TRMT11: variants seen among roughly 807,000 people sequenced by gnomAD.
The protein encoded by TRMT11 is tRNA (guanine(10)-N(2))-methyltransferase TRMT11.
Under a neutral mutation model 62.8 loss-of-function variants are expected in TRMT11, and 53 were observed. The ratio of observed to expected loss-of-function variants is 0.84; its 90% confidence interval spans 0.68 to 1.06. The LOEUF (loss-of-function observed/expected upper bound fraction) is 1.06, where lower values mean the gene tolerates loss of function less well. Among genes scored for constraint, TRMT11 ranks in the 50% least tolerant of loss-of-function variants. The pLI is 0.00. For synonymous variants in TRMT11, 188 were observed against 190.3 expected, an observed-to-expected ratio of 0.99 and a Z score of 0.10; for missense variants, 556 against 553.4, an observed-to-expected ratio of 1.00 and a Z score of -0.05.
intron 21 of TRMT11, among the ~76,000 whole-genome samples, chr6:126,161,092 T>C (rs1778185110): frequency 1.3e-5 from 2 of 152,220 alleles, no homozygotes; most frequent in South Asian, 4.1e-4. Context: ...TTTAAATATT[T>C]TATTATACTT....
At chr6:126,212,867 C>G in the TRMT11 span, among the ~76,000 whole-genome samples, 132 of 151,812 alleles carry the variant, frequency 8.7e-4, no homozygotes, top group East Asian at 0.024. Flanking sequence ...TGTCCTGGAG[C>G]CTTTTCCCAT....
At chr6:126,031,131 T>C (rs985947201) in intron 12 of TRMT11, among the ~76,000 whole-genome samples, 4 of 152,118 alleles carry the variant, frequency 2.6e-5, no homozygotes, top group Admixed American at 2.6e-4. Flanking sequence ...AGGATGCAAG[T>C]TTTTTTGTTT....
chr6:126,035,648 C>T (rs866729080), intron 12 of TRMT11, among the ~76,000 whole-genome samples: 3 of 152,002 alleles, frequency 2.0e-5, no homozygotes, highest in Admixed American at 6.6e-5. Context: ...AACACATGGT[C>T]GGTTAAGGGC....
intron 21 of TRMT11, among the ~76,000 whole-genome samples, chr6:126,138,823 C>T (rs1214522189): frequency 6.6e-6 from 1 of 151,738 alleles, no homozygotes; most frequent in Non-Finnish European, 1.5e-5. Context: ...TTTCATTGAC[C>T]CAAATTAATG....
At chr6:126,071,863 C>T (rs1272371949) in intron 17 of TRMT11, among the ~76,000 whole-genome samples, 2 of 152,056 alleles carry the variant, frequency 1.3e-5, no homozygotes, top group Non-Finnish European at 2.9e-5. Flanking sequence ...AGAATCATCT[C>T]GAGAGTTCTT....
rs573272102 is a variant in TRMT11, at chr6:126,032,172, ATCT to A, written c.1261-6529_1261-6527del. Among the ~76,000 whole-genome samples, 293 of 152,218 alleles carry A rather than the reference ATCT, an allele frequency of 1.9e-3. 2 individuals carry two copies. Among genetic ancestry groups the A allele is most frequent in the African/African-American group, 6.5e-3 (268 of 41,550 alleles). On this transcript the variant is annotated intron_variant, in intron 12 of 12. Coordinates refer to ENST00000334379, the MANE Select transcript of TRMT11 (RefSeq NM_001031712.3). ...ACTGCTTTCTTAGGCTGCTGTAATA[ATCT>A]TCTACTGATTTCTCTGCTTCTGCAG...
chr6:126,205,480 G>T (rs867265554), downstream of TRMT11, among the ~76,000 whole-genome samples: 2 of 151,912 alleles, frequency 1.3e-5, no homozygotes, highest in African/African-American at 4.8e-5. Context: ...TTCTAGCCTG[G>T]GTGACAGAGT....
At chr6:125,997,287 A>G (rs1031112166) in intron 3 of TRMT11, among the ~76,000 whole-genome samples, 1 of 152,264 alleles carries the variant, frequency 6.6e-6, no homozygotes, top group African/African-American at 2.4e-5. Context: ...ATTTAACTGT[A>G]TCAGAATGAA....
chr6:126,195,289 A>T (rs1046848468), intron 1 of TRMT11, among the ~76,000 whole-genome samples: 1 of 152,244 alleles, frequency 6.6e-6, no homozygotes, highest in Non-Finnish European at 1.5e-5. Flanking sequence ...TTAAATCATG[A>T]TGAAAATAAG....
Position 126,115,821 on chromosome 6 carries a change from C to A in TRMT11, c.*1789C>A, listed in dbSNP as rs1477573154. Among the ~76,000 whole-genome samples, 4 of 152,046 alleles carry A rather than the reference C, an allele frequency of 2.6e-5. No homozygotes were observed. The East Asian group carries it at 7.8e-4, about 30-fold the overall frequency. ...TGCTTCTTCCTGTTCCCATTAGTGT[C>A]ACCTCAGCAGTGACTTTTCACCCTG... On this transcript the variant is annotated 3_prime_UTR_variant and NMD_transcript_variant, in exon 21 of 23. Coordinates refer to the TRMT11 transcript ENST00000648977.
At chr6:126,151,931 C>CTTTCTTTCTTTCTTTCTTTCTTTCT (rs1562334964) in intron 21 of TRMT11, among the ~76,000 whole-genome samples, 4 of 93,418 alleles carry the variant, frequency 4.3e-5, no homozygotes, top group Admixed American at 1.1e-4. Flanking sequence ...TTCTTTCTTT[C>CTTTCTTTCTTTCTTTCTTTCTTTCT]TTTCTTTCTT....
the TRMT11 span, among the ~76,000 whole-genome samples, chr6:126,219,237 G>T: frequency 2.0e-5 from 3 of 151,900 alleles, no homozygotes; most frequent in Non-Finnish European, 4.4e-5. Context: ...GTTAAGTTTG[G>T]TGTTCCTGCC....
At position 125,999,582 on chromosome 6, in the gene TRMT11, T is replaced by G. The variant is rs1562244470; in HGVS notation, c.648T>G (p.Asn216Lys). The part of the protein sequence containing the change: ...IMANHGKVKE[N>K]DIVFDPFVGT... ...CTAACCATGGAAAAGTGAAAGAAAATGATATTGTCTTTGATCCATTTGTTG... is the reference window on the plus strand; with the variant it reads ...CTAACCATGGAAAAGTGAAAGAAAAGGATATTGTCTTTGATCCATTTGTTG... Residue 216 changes from asparagine (N) to lysine (K), a missense_variant, in exon 7 of 13, where the codon AAT becomes AAG. By Grantham distance (94) the Asn-to-Lys change is moderately conservative. Transcript: ENST00000334379. The G allele has an allele frequency of 6.2e-7, 1 of 1,611,744 alleles. No homozygotes were observed. The highest frequency in any genetic ancestry group is 1.7e-5 in the Admixed American group (1 of 59,832).
At chr6:126,007,616 C>T (rs1386948053) in intron 7 of TRMT11, among the ~76,000 whole-genome samples, 2 of 151,808 alleles carry the variant, frequency 1.3e-5, no homozygotes. Flanking sequence ...AATAGTATTA[C>T]CTTTCATTTT....
At chr6:126,181,101 G>A (rs1235317960) in intron 1 of TRMT11, among the ~76,000 whole-genome samples, 1 of 151,986 alleles carries the variant, frequency 6.6e-6, no homozygotes, top group Non-Finnish European at 1.5e-5. Context: ...ATTACTTCTG[G>A]CTAAAAACAT....
At chr6:126,266,687 C>T in the TRMT11 span, among the ~76,000 whole-genome samples, 1 of 152,186 alleles carries the variant, frequency 6.6e-6, no homozygotes, top group Non-Finnish European at 1.5e-5. Context: ...TTATTCTAAA[C>T]TGCAAGTCAA....
the TRMT11 span, among the ~76,000 whole-genome samples, chr6:126,214,703 A>G: frequency 7.7e-4 from 116 of 150,784 alleles, no homozygotes; most frequent in East Asian, 0.019. Context: ...TTGATCTTTC[A>G]TATTGTTTTC....
chr6:126,000,539 G>C (rs916228945), intron 7 of TRMT11, among the ~76,000 whole-genome samples: 13 of 152,156 alleles, frequency 8.5e-5, no homozygotes, highest in African/African-American at 3.1e-4. Context: ...ACTTGGCCAA[G>C]GTTATACAGT....
At position 126,021,203 on chromosome 6, in the gene TRMT11, G is replaced by C. The variant is rs376114052; in HGVS notation, c.1183G>C (p.Val395Leu). 1.6e-5 allele frequency: 26 copies of C among 1,614,032 alleles called. No individual in the cohort carries two copies. The highest frequency in any genetic ancestry group is 3.4e-6 in the Non-Finnish European group (4 of 1,180,014). Residue 395 changes from valine to leucine, a missense_variant, in exon 12 of 13, where the codon GTT becomes CTT. Physicochemically the swap from Val to Leu is conservative, Grantham distance 32. Transcript: ENST00000334379. ...MVPWHPCLEL[V>L]SNCEQKLSSH... ...GCCTTGGCACCCTTGCCTGGAACTC[G>C]TTAGCAACTGCGAGCAGAAGCTTTC...
Sources: allele counts gnomAD v4.1 joint callset (sites outside exome capture counted in the v4.1 genomes callset), GRCh38; gene constraint gnomAD v4.1.1; transcripts MANE v1.5; gene names NCBI Gene and HGNC (gene_info 2026-07-23, HGNC 2026-07-21).